Variants in TENM1 observed in about 807,000 individuals in gnomAD.
TENM1 encodes teneurin-1.
Under a neutral mutation model 174.8 loss-of-function variants are expected in TENM1, and 35 were observed. The ratio of observed to expected loss-of-function variants is 0.20; its 90% CI spans 0.15 to 0.27. TENM1 has a LOEUF of 0.27. TENM1 is among the 10% of genes least tolerant of loss of function. TENM1 has a pLI of 1.00. For synonymous variants in TENM1, 781 were observed against 798.7 expected (o/e 0.98, Z 0.37); for missense variants, 1,633 against 2,130.1 (o/e 0.77, Z 4.59).
chrX:124,757,516 G>T (rs1402508005), intron 3 of TENM1, among the ~76,000 whole-genome samples: 5 of 112,588 alleles, frequency 4.4e-5, no homozygotes, highest in Non-Finnish European at 9.4e-5. Flanking sequence ...TGCACCCACT[G>T]TCTGGCATTC....
chrX:124,422,227 T>C, intron 24 of TENM1, 45 bp downstream of exon 27: 1 of 1,168,642 alleles, frequency 8.6e-7, no homozygotes, highest in Non-Finnish European at 1.1e-6. Context: ...GTTTTTCTTT[T>C]CAAAACAGAG....
chrX:124,718,558 C>T (rs992941032), intron 4 of TENM1, among the ~76,000 whole-genome samples: 23 of 111,909 alleles, frequency 2.1e-4, no homozygotes, highest in African/African-American at 6.8e-4. Flanking sequence ...AATTATATGA[C>T]GAGTTGCCAT....
chrX:125,036,471 T>A, the TENM1 span, among the ~76,000 whole-genome samples: 1 of 111,601 alleles, frequency 9.0e-6, no homozygotes, highest in African/African-American at 3.2e-5. Flanking sequence ...AAAGACTGTG[T>A]AGAGTTTGGC....
At chrX:124,650,174 C>T (rs1316293196) in intron 8 of TENM1, among the ~76,000 whole-genome samples, 2 of 91,225 alleles carry the variant, frequency 2.2e-5, no homozygotes, top group African/African-American at 8.7e-5. Flanking sequence ...TGCACTCCAG[C>T]CTGGGCGATG....
intron 3 of TENM1, among the ~76,000 whole-genome samples, chrX:124,775,174 C>T (rs183502045): frequency 1.9e-4 from 21 of 109,779 alleles, no homozygotes; most frequent in African/African-American, 6.0e-4. Flanking sequence ...GGTGTGGTGG[C>T]GTGCACCTGT....
At chrX:125,193,324 G>A in the TENM1 span, among the ~76,000 whole-genome samples, 2 of 112,409 alleles carry the variant, frequency 1.8e-5, no homozygotes, top group Non-Finnish European at 3.8e-5. Flanking sequence ...AGCAAAACTT[G>A]AATTTGCTGC....
rs1328091523 is a variant in TENM1, at chrX:124,759,198, C to T, written c.536-22001G>A. On this transcript the variant is annotated intron_variant, in intron 3 of 31. Coordinates refer to ENST00000422452, the Ensembl canonical transcript of TENM1. ...CAATATCACAGTGGACAAATGAAAGCGTTATGAATAGGGCAGACAAGTTAT... is the reference window on the plus strand; with the variant it reads ...CAATATCACAGTGGACAAATGAAAGTGTTATGAATAGGGCAGACAAGTTAT... 8.1e-5 allele frequency among the ~76,000 whole-genome samples: 9 copies of T among 111,274 alleles called. No individual in the cohort carries two copies. The Admixed American group carries it at 8.6e-4, about 11-fold the overall frequency.
At chrX:125,060,179 TCTCACACACACACA>T in the TENM1 span, among the ~76,000 whole-genome samples, 56 of 82,419 alleles carry the variant, frequency 6.8e-4, no homozygotes, top group African/African-American at 4.0e-3. Flanking sequence ...TCTCTCTCTC[TCTCACACACACACA>T]CACACACACA....
chrX:124,946,326 G>A (rs1284234777), intron 1 of TENM1, among the ~76,000 whole-genome samples: 1 of 111,887 alleles, frequency 8.9e-6, no homozygotes, highest in Non-Finnish European at 1.9e-5. Flanking sequence ...TAACCAGCTG[G>A]ATATATGAAT....
chrX:125,106,151 T>C, the TENM1 span, among the ~76,000 whole-genome samples: 1 of 111,818 alleles, frequency 8.9e-6, no homozygotes, highest in African/African-American at 3.3e-5. Flanking sequence ...TTAATAATCT[T>C]AGTTAATGTT....
intron 4 of TENM1, among the ~76,000 whole-genome samples, chrX:124,729,960 C>T (rs748038195): frequency 3.5e-4 from 39 of 111,325 alleles, no homozygotes; most frequent in African/African-American, 1.2e-3. Flanking sequence ...CCCCACTCCC[C>T]GCCGGTTCAA....
intron 3 of TENM1, among the ~76,000 whole-genome samples, chrX:124,764,682 T>G (rs762051419): frequency 0.01 from 762 of 75,339 alleles, 10 homozygotes; most frequent in African/African-American, 0.045. Context: ...GTTTGGACTG[T>G]TTTTTTTTTT....
At chrX:124,671,285 C>T (rs892921917) in intron 6 of TENM1, among the ~76,000 whole-genome samples, 5 of 110,657 alleles carry the variant, frequency 4.5e-5, no homozygotes, top group East Asian at 5.7e-4. Context: ...AAAGCTTTTT[C>T]GTATTACAAA....
intron 23 of TENM1, among the ~76,000 whole-genome samples, chrX:124,441,016 A>AT (rs1199295048): frequency 8.9e-6 from 1 of 112,341 alleles, no homozygotes; most frequent in Non-Finnish European, 1.9e-5. Flanking sequence ...CCAACAATTT[A>AT]TAGTTGCAAG....
At chrX:124,589,229 G>A (rs190402258) in intron 11 of TENM1, among the ~76,000 whole-genome samples, 10 of 110,020 alleles carry the variant, frequency 9.1e-5, no homozygotes, top group African/African-American at 3.0e-4. Flanking sequence ...TCACTCTTAC[G>A]TCCCAGGGAT....
At chrX:124,871,680 T>TATAAG (rs1373210416) in intron 3 of TENM1, among the ~76,000 whole-genome samples, 1 of 111,747 alleles carries the variant, frequency 8.9e-6, no homozygotes, top group Non-Finnish European at 1.9e-5. Flanking sequence ...GCCTCAGGAC[T>TATAAG]ATAAGAGGTC....
intron 4 of TENM1, among the ~76,000 whole-genome samples, chrX:124,723,603 G>GTTTTTT (rs1198093791): frequency 1.3e-5 from 1 of 74,939 alleles, no homozygotes; most frequent in Non-Finnish European, 2.5e-5. Context: ...TTTTTTTTTT[G>GTTTTTT]TTTTTTTTTT....
chrX:124,848,436 G>T (rs1004914342), intron 3 of TENM1, among the ~76,000 whole-genome samples: 2 of 111,189 alleles, frequency 1.8e-5, no homozygotes, highest in Admixed American at 9.6e-5. Context: ...TTTTGGAAAA[G>T]ACCTTAATGT....
chrX:124,443,437 T>C (rs1213821258), intron 23 of TENM1, among the ~76,000 whole-genome samples: 2 of 111,699 alleles, frequency 1.8e-5, no homozygotes, highest in Non-Finnish European at 3.8e-5. Flanking sequence ...GAAGGGATTG[T>C]AAAAGAGCAT....
Sources: gnomAD v4.1 joint callset for allele counts (sites outside exome capture counted in the v4.1 genomes callset) on GRCh38, gnomAD v4.1.1 for gene constraint, MANE v1.5 for transcripts, NCBI Gene and HGNC (gene_info 2026-07-23, HGNC 2026-07-21) for gene names.